Variants in LRMDA observed in about 807,000 individuals in gnomAD.
The protein encoded by LRMDA is leucine-rich melanocyte differentiation-associated protein.
Under a neutral mutation model 29.8 loss-of-function variants are expected in LRMDA, and 18 were observed. That is an observed-to-expected ratio of 0.60 (90% confidence interval 0.42 to 0.90). LRMDA has a LOEUF of 0.90. Ranked by LOEUF, LRMDA falls within the 40% of genes least tolerant of loss-of-function variation. The pLI is 0.00. For missense variants in LRMDA, 273 were observed against 273.9 expected, an observed-to-expected ratio of 1.00 and a Z score of 0.02; for synonymous variants, 125 against 109.4, an observed-to-expected ratio of 1.14 and a Z score of -0.89.
chr10:76,514,317 C>T (rs1203104218), intron 6 of LRMDA, among the ~76,000 whole-genome samples: 1 of 152,158 alleles, frequency 6.6e-6, no homozygotes, highest in Non-Finnish European at 1.5e-5. Flanking sequence ...CAAAAGCTCC[C>T]CAGGTGATAG....
intron 5 of LRMDA, among the ~76,000 whole-genome samples, chr10:76,137,772 C>CAAAAAAAAAAA (rs36038656): frequency 8.2e-6 from 1 of 122,180 alleles, no homozygotes; most frequent in African/African-American, 3.1e-5. Context: ...GTCCCTATGG[C>CAAAAAAAAAAA]AAAAAAAAAA....
intron 6 of LRMDA, among the ~76,000 whole-genome samples, chr10:76,501,310 T>C (rs1337885017): frequency 6.6e-6 from 1 of 152,046 alleles, no homozygotes; most frequent in African/African-American, 2.4e-5. Flanking sequence ...GTCTTTGGTA[T>C]TGTGAATGGT....
intron 2 of LRMDA, among the ~76,000 whole-genome samples, chr10:76,031,455 G>GT (rs1021863222): frequency 1.3e-5 from 2 of 151,984 alleles, no homozygotes; most frequent in African/African-American, 4.8e-5. Context: ...TTTATTGGCC[G>GT]TTTTTTTCTT....
chr10:76,368,738 C>A (rs539171668), intron 6 of LRMDA, among the ~76,000 whole-genome samples: 7 of 152,072 alleles, frequency 4.6e-5, no homozygotes, highest in Non-Finnish European at 1.0e-4. Context: ...CTGTCTATCT[C>A]ATTTCTTAGG....
chr10:75,519,907 A>G (rs1845336635), intron 2 of LRMDA, among the ~76,000 whole-genome samples: 1 of 152,120 alleles, frequency 6.6e-6, no homozygotes. Flanking sequence ...TTGTTTGTCT[A>G]TTAAGGATTT....
At chr10:75,462,188 T>C (rs1844594478) in intron 2 of LRMDA, among the ~76,000 whole-genome samples, 1 of 152,230 alleles carries the variant, frequency 6.6e-6, no homozygotes, top group Admixed American at 6.5e-5. Flanking sequence ...TCAGTTGATA[T>C]TCATATCTAA....
chr10:76,431,455 A>C (rs1842190133), intron 6 of LRMDA, among the ~76,000 whole-genome samples: 1 of 152,188 alleles, frequency 6.6e-6, no homozygotes, highest in South Asian at 2.1e-4. Context: ...AGTTCAAATC[A>C]CTTCTCTACT....
At chr10:76,220,588 G>A (rs545469031) in intron 5 of LRMDA, among the ~76,000 whole-genome samples, 1 of 152,118 alleles carries the variant, frequency 6.6e-6, no homozygotes, top group Non-Finnish European at 1.5e-5. Context: ...TTGAATCTCT[G>A]AATAGACCAA....
intron 5 of LRMDA, among the ~76,000 whole-genome samples, chr10:76,066,427 C>T (rs1848786615): frequency 6.6e-6 from 1 of 152,186 alleles, no homozygotes; most frequent in Admixed American, 6.5e-5. Context: ...AAATTATATA[C>T]ATAACCTAAA....
chr10:75,903,246 T>C (rs577761316), intron 2 of LRMDA, among the ~76,000 whole-genome samples: 1 of 152,378 alleles, frequency 6.6e-6, no homozygotes, highest in Admixed American at 6.5e-5. Flanking sequence ...GGCCTTGCTC[T>C]TAGAAAACTA....
chr10:76,343,753 A>C (rs1027070169), intron 6 of LRMDA, among the ~76,000 whole-genome samples: 1 of 152,002 alleles, frequency 6.6e-6, no homozygotes, highest in Non-Finnish European at 1.5e-5. Context: ...ATTAGATATG[A>C]GAAGAGATTA....
chr10:76,531,296 G>A (rs945329304), intron 6 of LRMDA, among the ~76,000 whole-genome samples: 1 of 152,214 alleles, frequency 6.6e-6, no homozygotes, highest in African/African-American at 2.4e-5. Flanking sequence ...CAAGAGACTC[G>A]GAAATTCAAG....
At chr10:76,368,289 T>C (rs1482853747) in intron 6 of LRMDA, among the ~76,000 whole-genome samples, 1 of 152,208 alleles carries the variant, frequency 6.6e-6, no homozygotes, top group East Asian at 1.9e-4. Context: ...GAGGTTTCAA[T>C]AGGTTGTGTC....
At chr10:76,211,087 C>T (rs34468161) in intron 5 of LRMDA, among the ~76,000 whole-genome samples, 24,783 of 152,090 alleles carry the variant, frequency 0.16, 2,613 homozygotes, top group East Asian at 0.53. Flanking sequence ...TGTGGGTCCC[C>T]CTTACTCATC....
At chr10:76,249,159 G>C (rs767908281) in intron 5 of LRMDA, among the ~76,000 whole-genome samples, 2 of 152,110 alleles carry the variant, frequency 1.3e-5, no homozygotes, top group African/African-American at 2.4e-5. Context: ...GCTGCTCTAT[G>C]ACTTAAAAAA....
At chr10:76,040,677 C>G (rs1848325512) in intron 3 of LRMDA, among the ~76,000 whole-genome samples, 1 of 152,170 alleles carries the variant, frequency 6.6e-6, no homozygotes, top group African/African-American at 2.4e-5. Context: ...CATATCATGT[C>G]TGAATAATCA....
At chr10:76,376,394 TATAC>T (rs1294741093) in intron 6 of LRMDA, among the ~76,000 whole-genome samples, 1 of 152,098 alleles carries the variant, frequency 6.6e-6, no homozygotes, top group African/African-American at 2.4e-5. Context: ...TCTACCTATC[TATAC>T]ATACATACAA....
chr10:75,640,001 T>C (rs1034972794), intron 2 of LRMDA, among the ~76,000 whole-genome samples: 8 of 152,272 alleles, frequency 5.3e-5, no homozygotes, highest in Middle Eastern at 3.4e-3. Flanking sequence ...CTCCATAACT[T>C]GTGCTAAAGA....
intron 2 of LRMDA, among the ~76,000 whole-genome samples, chr10:75,945,283 C>T (rs1297182364): frequency 6.6e-6 from 1 of 152,206 alleles, no homozygotes; most frequent in East Asian, 1.9e-4. Flanking sequence ...TTACTTTTCA[C>T]TCTGTCTTGT....
Sources: gnomAD v4.1 joint callset for allele counts (sites outside exome capture counted in the v4.1 genomes callset) on GRCh38, gnomAD v4.1.1 for gene constraint, MANE v1.5 for transcripts, NCBI Gene and HGNC (gene_info 2026-07-23, HGNC 2026-07-21) for gene names.